The following ADCY2 variants were observed in gnomAD, a reference collection of about 807,000 sequenced individuals.
ADCY2 encodes the protein adenylate cyclase 2.
Under a neutral mutation model 125.2 loss-of-function variants are expected in ADCY2, and 31 were observed. The ratio of observed to expected loss-of-function variants is 0.25; its 90% CI spans 0.19 to 0.33. ADCY2 has a LOEUF of 0.33. Ranked by LOEUF, ADCY2 falls within the 10% of genes least tolerant of loss-of-function variation. ADCY2 has a pLI of 1.00. For synonymous variants in ADCY2, 512 were observed against 548.4 expected (o/e 0.93, Z 0.93); for missense variants, 904 against 1,418.2 (o/e 0.64, Z 5.82).
chr5:7,507,006 C>T (rs1189418302), intron 2 of ADCY2, among the ~76,000 whole-genome samples: 2 of 148,506 alleles, frequency 1.3e-5, no homozygotes, highest in Non-Finnish European at 3.0e-5. Flanking sequence ...CCAGGATGGT[C>T]TCGATCTCCT....
chr5:7,497,279 A>G (rs1352082735), intron 2 of ADCY2, among the ~76,000 whole-genome samples: 1 of 152,212 alleles, frequency 6.6e-6, no homozygotes, highest in Non-Finnish European at 1.5e-5. Flanking sequence ...GCAGATCTGT[A>G]GAGAATTACT....
At chr5:7,526,705 C>T (rs1734478966) in intron 3 of ADCY2, among the ~76,000 whole-genome samples, 1 of 152,106 alleles carries the variant, frequency 6.6e-6, no homozygotes, top group Admixed American at 6.5e-5. Flanking sequence ...TATTTTTCAG[C>T]CACTCTCTGA....
intron 2 of ADCY2, among the ~76,000 whole-genome samples, chr5:7,440,153 C>T (rs568733654): frequency 1.2e-4 from 18 of 152,164 alleles, no homozygotes; most frequent in African/African-American, 4.3e-4. Flanking sequence ...GGAGAGGGTG[C>T]TCAGGTTTGG....
intron 2 of ADCY2, among the ~76,000 whole-genome samples, chr5:7,481,667 C>G (rs972596032): frequency 3.3e-5 from 5 of 152,146 alleles, no homozygotes; most frequent in South Asian, 2.1e-4. Context: ...TTATTAGATT[C>G]TCTCCAATAG....
intron 18 of ADCY2, among the ~76,000 whole-genome samples, chr5:7,775,966 C>T (rs1438351983): frequency 2.0e-5 from 3 of 152,066 alleles, no homozygotes; most frequent in Non-Finnish European, 4.4e-5. Context: ...ACATGGGAGA[C>T]CCTTAAGAGT....
chr5:7,435,128 A>G (rs1166530269), intron 2 of ADCY2, among the ~76,000 whole-genome samples: 2 of 152,164 alleles, frequency 1.3e-5, no homozygotes, highest in Non-Finnish European at 2.9e-5. Flanking sequence ...GAGGAGTATC[A>G]CTGTCACACT....
intron 18 of ADCY2, among the ~76,000 whole-genome samples, chr5:7,776,068 A>G (rs983777254): frequency 3.3e-5 from 5 of 152,006 alleles, no homozygotes; most frequent in African/African-American, 7.3e-5. Flanking sequence ...ATCAATGTCA[A>G]TGTTTTCTTT....
At chr5:7,612,616 C>T (rs924434738) in intron 3 of ADCY2, among the ~76,000 whole-genome samples, 6 of 152,124 alleles carry the variant, frequency 3.9e-5, no homozygotes, top group African/African-American at 7.2e-5. Flanking sequence ...TGACAGGAGT[C>T]GTTGGCTGCT....
intron 2 of ADCY2, among the ~76,000 whole-genome samples, chr5:7,462,940 C>A (rs547634477): frequency 2.6e-5 from 4 of 152,288 alleles, no homozygotes; most frequent in Non-Finnish European, 2.9e-5. Flanking sequence ...CTAGCTGATG[C>A]AGCAAGCCTG....
rs770254922 is a variant in ADCY2, at chr5:7,802,384, C to T, written c.2775+20C>T. The T allele has an allele frequency of 5.0e-6, 8 of 1,611,926 alleles. No homozygotes were observed. In the East Asian group the frequency reaches 1.8e-4, roughly 36 times the overall value. On this transcript the variant is annotated intron_variant, in intron 21 of 24. Transcript: ENST00000338316. The surrounding 1 kb of genome is among the most constrained non-coding windows in gnomAD (Gnocchi z 4.6). ...GATGATGTAGGTACTGAGAGTTGCC[C>T]TCGAAGGGCAGCAGTACACTCAGTC... is the stretch of plus-strand genomic sequence containing the variant.
chr5:7,717,117 T>C (rs1741615035), intron 11 of ADCY2, 40 bp from the exon 12 acceptor site: 1 of 1,352,066 alleles, frequency 7.4e-7, no homozygotes, highest in Non-Finnish European at 1.0e-6. Flanking sequence ...TTTATTTTAC[T>C]AATAATATCC....
At chr5:7,432,916 ACTG>A (rs5865715) in intron 2 of ADCY2, among the ~76,000 whole-genome samples, 1 of 18,452 alleles carries the variant, frequency 5.4e-5, no homozygotes, top group Non-Finnish European at 1.3e-4. Flanking sequence ...TGCTTATTGT[ACTG>A]CATGATGTAC....
chr5:7,623,190 G>T (rs936410163), intron 3 of ADCY2, among the ~76,000 whole-genome samples: 3 of 152,160 alleles, frequency 2.0e-5, no homozygotes, highest in Admixed American at 2.0e-4. Flanking sequence ...TTTTATTTTG[G>T]AGAAATGTAC....
At chr5:7,471,288 G>A (rs543212939) in intron 2 of ADCY2, among the ~76,000 whole-genome samples, 7 of 151,876 alleles carry the variant, frequency 4.6e-5, no homozygotes, top group African/African-American at 1.7e-4. Flanking sequence ...TACAATTTTG[G>A]TAGCTGTTTT....
chr5:7,564,941 C>T (rs1735842649), intron 3 of ADCY2, among the ~76,000 whole-genome samples: 1 of 152,200 alleles, frequency 6.6e-6, no homozygotes, highest in Admixed American at 6.5e-5. Flanking sequence ...AATTCAAGAA[C>T]ACACATCATT....
At chr5:7,581,787 C>T (rs10462843) in intron 3 of ADCY2, among the ~76,000 whole-genome samples, 65,814 of 147,044 alleles carry the variant, frequency 0.45, 15,263 homozygotes, top group Non-Finnish European at 0.51. Context: ...TGCCACTGCA[C>T]TCCAGGCTGG....
At chr5:7,787,295 A>G (rs932788718) in intron 19 of ADCY2, among the ~76,000 whole-genome samples, 7 of 152,120 alleles carry the variant, frequency 4.6e-5, no homozygotes, top group Non-Finnish European at 8.8e-5. Context: ...ACGCCTGCGC[A>G]TGGCCTCCCG....
chr5:7,766,011 C>G (rs1397228006), intron 16 of ADCY2, among the ~76,000 whole-genome samples: 1 of 152,188 alleles, frequency 6.6e-6, no homozygotes, highest in African/African-American at 2.4e-5. Flanking sequence ...CAGGTTGATA[C>G]TGTCCTTCTG....
At position 7,724,114 on chromosome 5, in the gene ADCY2, C is replaced by CAAAAAAA. The variant is rs1272949604; in HGVS notation, c.1704-413_1704-407dup. ...TGATCTGTTGCCCTCTAGAAGCTAA[C>CAAAAAAA]AAAAAAAAAAAAAAAAAAAAAAAAG... On this transcript the variant is annotated intron_variant, in intron 12 of 24. Transcript: ENST00000338316. Among the ~76,000 whole-genome samples the CAAAAAAA allele has an allele frequency of 3.8e-3, 290 of 76,002 alleles. 4 individuals carry two copies. Among genetic ancestry groups the CAAAAAAA allele is most frequent in the Non-Finnish European group, 4.5e-3 (198 of 43,834 alleles). The allele number at this position is 76,002 out of a possible 152,430, so 49.9% of individuals were successfully genotyped here.
Sources: gnomAD v4.1 joint callset for allele counts (sites outside exome capture counted in the v4.1 genomes callset) on GRCh38, gnomAD v4.1.1 for gene constraint, Gnocchi (gnomAD v3.1) non-coding constraint, MANE v1.5 for transcripts, NCBI Gene and HGNC (gene_info 2026-07-23, HGNC 2026-07-21) for gene names.